GSTCD: variants seen among roughly 807,000 people sequenced by gnomAD.
The protein encoded by GSTCD is glutathione S-transferase C-terminal domain containing, also known as glutathione S-transferase C-terminal domain-containing protein.
GSTCD carries 44 observed loss-of-function variants against 68.3 expected under a neutral mutation model. The observed-to-expected ratio is 0.64, with a 90% CI of 0.51 to 0.83. The LOEUF (loss-of-function observed/expected upper bound fraction) is 0.83, where lower values mean the gene tolerates loss of function less well. Ranked by LOEUF, GSTCD falls within the 40% of genes least tolerant of loss-of-function variation. The pLI is 0.00. For missense variants in GSTCD, 739 were observed against 735.9 expected (o/e 1.00, Z -0.05); for synonymous variants, 273 against 255.2 (o/e 1.07, Z -0.67).
intron 5 of GSTCD, among the ~76,000 whole-genome samples, chr4:105,750,506 A>G (rs1304106208): frequency 6.6e-6 from 1 of 152,030 alleles, no homozygotes; most frequent in Non-Finnish European, 1.5e-5. Context: ...GAATGCTGAC[A>G]AGGATGCAGA....
Position 105,840,514 on chromosome 4 carries a change from A to T in GSTCD, c.1696-1551A>T, listed in dbSNP as rs527482389. On this transcript the variant is annotated intron_variant, in intron 10 of 11. Transcript: ENST00000515279. Reference sequence around the variant, plus strand: ...TATTAAAAATGGAGGCTTCAAATTTAATGTACAGAATACTAAAGGAACAAA... The same window carrying T: ...TATTAAAAATGGAGGCTTCAAATTTTATGTACAGAATACTAAAGGAACAAA... 5.9e-5 allele frequency among the ~76,000 whole-genome samples: 9 copies of T among 152,332 alleles called. No homozygotes were observed. The South Asian group carries it at 1.9e-3, about 32-fold the overall frequency.
chr4:105,841,916 C>T (rs1724358750), intron 10 of GSTCD, 149 bp from the exon 11 acceptor site: 4 of 618,612 alleles, frequency 6.5e-6, no homozygotes, highest in Non-Finnish European at 8.7e-6. Flanking sequence ...TGAAAGTTTA[C>T]TTTTTTCAAA....
At chr4:105,826,553 T>C (rs1230267038) in intron 8 of GSTCD, among the ~76,000 whole-genome samples, 1 of 152,120 alleles carries the variant, frequency 6.6e-6, no homozygotes, top group Non-Finnish European at 1.5e-5. Context: ...AAGTGATAAA[T>C]ACTATCAAAA....
At chr4:105,827,172 C>G (rs1016411809) in intron 8 of GSTCD, 2 of 152,236 alleles carry the variant, frequency 1.3e-5, no homozygotes, top group Admixed American at 1.3e-4. Context: ...TCCCATGAAA[C>G]AAGCCATTAA....
intron 5 of GSTCD, among the ~76,000 whole-genome samples, chr4:105,813,200 G>A (rs1183563715): frequency 6.6e-6 from 1 of 152,080 alleles, no homozygotes; most frequent in Non-Finnish European, 1.5e-5. Context: ...AAAAAGGATT[G>A]ATATAATAAA....
At chr4:105,801,054 A>T (rs530045332) in intron 5 of GSTCD, among the ~76,000 whole-genome samples, 65 of 152,272 alleles carry the variant, frequency 4.3e-4, no homozygotes, top group African/African-American at 1.5e-3. Flanking sequence ...CCATTTTAAT[A>T]GCAAAATCAC....
chr4:105,835,119 A>G (rs1418094054), intron 9 of GSTCD, among the ~76,000 whole-genome samples: 1 of 152,228 alleles, frequency 6.6e-6, no homozygotes, highest in South Asian at 2.1e-4. Flanking sequence ...AGTGGCAAGA[A>G]TAAGTATTCA....
intron 5 of GSTCD, among the ~76,000 whole-genome samples, chr4:105,753,976 T>A (rs77363193): frequency 6.6e-6 from 1 of 152,022 alleles, no homozygotes; most frequent in Admixed American, 6.5e-5. Context: ...TTTTTTTTTT[T>A]AATCTTAAAT....
chr4:105,769,913 C>G (rs1475756338), intron 5 of GSTCD, among the ~76,000 whole-genome samples: 3 of 152,056 alleles, frequency 2.0e-5, no homozygotes, highest in African/African-American at 7.2e-5. Context: ...ACCACCATGC[C>G]TGCCTAATTT....
At chr4:105,755,139 T>G (rs1734142146) in intron 5 of GSTCD, among the ~76,000 whole-genome samples, 1 of 143,402 alleles carries the variant, frequency 7.0e-6, no homozygotes, top group South Asian at 2.2e-4. Context: ...TTCCTGCTAC[T>G]AGGGAGGCTG....
intron 10 of GSTCD, among the ~76,000 whole-genome samples, chr4:105,839,367 G>T (rs1724247009): frequency 6.6e-6 from 1 of 152,236 alleles, no homozygotes; most frequent in South Asian, 2.1e-4. Flanking sequence ...CAGGTGCAGT[G>T]GCTCACGCCT....
intron 5 of GSTCD, chr4:105,821,294 G>A (rs1723280689): frequency 6.6e-6 from 1 of 151,804 alleles, no homozygotes; most frequent in Admixed American, 6.6e-5. Context: ...TAGAATCTAG[G>A]TGGAGGGTAT....
Position 105,717,846 on chromosome 4 carries a change from G to A in GSTCD, c.233G>A (p.Arg78Lys). The change falls in exon 2 of 12, where the codon AGG becomes AAG. Residue 78 changes from arginine (R) to lysine (K), a missense_variant. Arg to Lys is a conservative substitution (Grantham distance 26, BLOSUM62 2). Coordinates refer to ENST00000515279, the MANE Select transcript of GSTCD (RefSeq NM_001370181.1). ...GATGTTGAAATACAGATTATTTCAA[G>A]GCAGGAGCTCCCACCAATAGTCCAA... ...IQDVEIQIIS[R>K]QELPPIVQNC... The A allele has an allele frequency of 6.2e-7, 1 of 1,614,084 alleles. No individual in the cohort carries two copies. The highest frequency in any genetic ancestry group is 1.1e-5 in the South Asian group (1 of 91,084).
intron 5 of GSTCD, among the ~76,000 whole-genome samples, chr4:105,743,981 C>T (rs1431375377): frequency 3.3e-5 from 5 of 152,084 alleles, no homozygotes; most frequent in African/African-American, 9.7e-5. Flanking sequence ...TCTTTTACAT[C>T]GTTATAGTAT....
chr4:105,794,889 A>G (rs2544427), intron 5 of GSTCD, among the ~76,000 whole-genome samples: 63,751 of 140,460 alleles, frequency 0.45, 18,126 homozygotes, highest in East Asian at 0.72. Flanking sequence ...CTATCTATCT[A>G]TCTATGAGAC....
chr4:105,726,754 G>A lies in GSTCD; in HGVS notation c.1070G>A (p.Cys357Tyr), dbSNP rs746863932. ...TTSTEQHPNLCEVPGVEEQSD... is the reference protein window; with the variant it reads ...TTSTEQHPNLYEVPGVEEQSD... ...TCAACTGAACAGCATCCAAACTTAT[G>A]TGAAGTCCCAGGTGTAGAAGAGCAA... is the stretch of plus-strand genomic sequence containing the variant. The change falls in exon 4 of 12, where the codon TGT becomes TAT. Residue 357 changes from cysteine to tyrosine, a missense_variant. Transcript: ENST00000515279. 1.2e-6 allele frequency: 2 copies of A among 1,613,754 alleles called. No homozygotes were observed. The highest frequency in any genetic ancestry group is 2.2e-5 in the East Asian group (1 of 44,872).
chr4:105,822,766 G>A (rs938676407), intron 5 of GSTCD, among the ~76,000 whole-genome samples, 188 bp from the exon 6 acceptor site: 6 of 152,108 alleles, frequency 3.9e-5, no homozygotes, highest in African/African-American at 1.2e-4. Context: ...TTCATCTCGG[G>A]TTCTAGTCCT....
In GSTCD at chr4:105,748,090, A is replaced by G. The variant is rs572061732; in HGVS notation, c.1240+18591A>G. 5.9e-5 allele frequency among the ~76,000 whole-genome samples: 9 copies of G among 152,140 alleles called. No homozygotes were observed. The East Asian group carries it at 1.7e-3, about 29-fold the overall frequency. The stretch of plus-strand genomic sequence containing the variant: ...TCCAATAAGGTAAAACCCCGTCTCA[A>G]CCTAAAATACAAAAATTAGCTGTGC... On this transcript the variant is annotated intron_variant, in intron 5 of 11. Transcript: ENST00000515279.
At chr4:105,790,892 T>C (rs1304389404) in intron 5 of GSTCD, among the ~76,000 whole-genome samples, 1 of 151,988 alleles carries the variant, frequency 6.6e-6, no homozygotes, top group Non-Finnish European at 1.5e-5. Context: ...ATAACCAACA[T>C]CCACTCATCC....
Sources: gnomAD v4.1 joint callset for allele counts (sites outside exome capture counted in the v4.1 genomes callset) on GRCh38, gnomAD v4.1.1 for gene constraint, MANE v1.5 for transcripts, NCBI Gene and HGNC (gene_info 2026-07-23, HGNC 2026-07-21) for gene names.